The following PCDH15 variants were observed in gnomAD, a reference collection of about 807,000 sequenced individuals.
The protein encoded by PCDH15 is protocadherin related 15.
PCDH15 carries 129 observed loss-of-function variants against 178.5 expected under a neutral mutation model. The ratio of observed to expected loss-of-function variants is 0.72; its 90% CI spans 0.63 to 0.84. The LOEUF is 0.84. PCDH15 is among the 40% of genes least tolerant of loss of function. The pLI is 0.00. For synonymous variants in PCDH15, 800 were observed against 732.0 expected (o/e 1.09, Z -1.50); for missense variants, 2,230 against 2,099.9 (o/e 1.06, Z -1.21).
At chr10:54,166,047 A>T (rs1179012437) in intron 13 of PCDH15, among the ~76,000 whole-genome samples, 1 of 152,226 alleles carries the variant, frequency 6.6e-6, no homozygotes, top group Non-Finnish European at 1.5e-5. Context: ...TTAGTAAAAG[A>T]AAAGCAAATC....
chr10:54,493,217 T>C (rs1448783963), intron 3 of PCDH15, among the ~76,000 whole-genome samples: 1 of 151,952 alleles, frequency 6.6e-6, no homozygotes, highest in Admixed American at 6.6e-5. Flanking sequence ...TAAATAGGGT[T>C]CAGTATTATC....
chr10:54,422,229 C>A (rs1328061505), intron 3 of PCDH15, among the ~76,000 whole-genome samples: 1 of 151,550 alleles, frequency 6.6e-6, no homozygotes, highest in Admixed American at 6.6e-5. Flanking sequence ...ATTCTAAAAC[C>A]AAATTATCTG....
chr10:54,788,743 G>A (rs185645985), intron 1 of PCDH15, among the ~76,000 whole-genome samples: 2 of 151,890 alleles, frequency 1.3e-5, no homozygotes, highest in Admixed American at 1.3e-4. Flanking sequence ...AGCAAGTAAT[G>A]CAGATGGGTC....
chr10:54,652,524 A>G (rs927872742), intron 2 of PCDH15, among the ~76,000 whole-genome samples: 1 of 152,188 alleles, frequency 6.6e-6, no homozygotes, highest in Non-Finnish European at 1.5e-5. Context: ...CCCAAAATTC[A>G]TATATTCAAC....
At chr10:54,739,562 GA>G (rs59307786) in intron 1 of PCDH15, among the ~76,000 whole-genome samples, 18,035 of 114,424 alleles carry the variant, frequency 0.16, 1,190 homozygotes, top group African/African-American at 0.21. Flanking sequence ...TCACAAAATC[GA>G]AAAAAAAAAA....
At chr10:54,945,351 T>TGATA (rs1554817132) in intron 2 of PCDH15, among the ~76,000 whole-genome samples, 1 of 138,014 alleles carries the variant, frequency 7.2e-6, no homozygotes, top group Non-Finnish European at 1.6e-5. Flanking sequence ...GATAGATAGA[T>TGATA]GATAGATAGA....
intron 17 of PCDH15, among the ~76,000 whole-genome samples, chr10:54,073,995 A>G (rs542631785): frequency 2.0e-5 from 3 of 152,338 alleles, no homozygotes; most frequent in African/African-American, 7.2e-5. Flanking sequence ...CTTTGTTAAA[A>G]TAAAGCAGGG....
At chr10:54,707,399 A>G (rs2095376343) in intron 1 of PCDH15, among the ~76,000 whole-genome samples, 2 of 152,220 alleles carry the variant, frequency 1.3e-5, no homozygotes, top group Non-Finnish European at 2.9e-5. Flanking sequence ...TATATTTTCC[A>G]TTGGAAGTAA....
chr10:55,334,238 ATATATGTGTGTGTGTGTG>A (rs1375671801), intron 2 of PCDH15, among the ~76,000 whole-genome samples: 4 of 97,310 alleles, frequency 4.1e-5, no homozygotes, highest in Non-Finnish European at 7.5e-5. Context: ...ATATATATAT[ATATATGTGTGTGTGTGTG>A]TGTGTGTGTG....
At chr10:54,276,951 G>A (rs1355261542) in intron 8 of PCDH15, among the ~76,000 whole-genome samples, 13 of 151,582 alleles carry the variant, frequency 8.6e-5, no homozygotes, top group African/African-American at 4.8e-5. Flanking sequence ...ATGGGGTTGC[G>A]CAGAGAGGGT....
At chr10:55,580,972 G>A (rs1443023429) in intron 2 of PCDH15, among the ~76,000 whole-genome samples, 5 of 152,094 alleles carry the variant, frequency 3.3e-5, no homozygotes, top group African/African-American at 9.7e-5. Flanking sequence ...TTTCCTCTAT[G>A]TGAAAACCAC....
intron 2 of PCDH15, among the ~76,000 whole-genome samples, chr10:55,430,154 G>A (rs1056609397): frequency 6.6e-6 from 1 of 152,094 alleles, no homozygotes; most frequent in Non-Finnish European, 1.5e-5. Context: ...AGCCAGGCAT[G>A]GTGGCACGTA....
intron 2 of PCDH15, among the ~76,000 whole-genome samples, chr10:55,471,066 A>T (rs192903416): frequency 7.3e-4 from 111 of 152,252 alleles, no homozygotes; most frequent in African/African-American, 2.5e-3. Flanking sequence ...TTCACCTACT[A>T]AACGATATAT....
chr10:54,461,431 A>G (rs2077159842), intron 3 of PCDH15, among the ~76,000 whole-genome samples: 1 of 152,100 alleles, frequency 6.6e-6, no homozygotes, highest in Non-Finnish European at 1.5e-5. Flanking sequence ...TATCACATCC[A>G]TGTCCATGCT....
intron 18 of PCDH15, among the ~76,000 whole-genome samples, chr10:54,051,050 G>C (rs1435327683): frequency 6.6e-6 from 1 of 152,124 alleles, no homozygotes; most frequent in South Asian, 2.1e-4. Flanking sequence ...CACCATGATC[G>C]TAAGTTTCCT....
intron 1 of PCDH15, among the ~76,000 whole-genome samples, chr10:55,170,922 G>C (rs528404339): frequency 9.9e-5 from 15 of 152,146 alleles, no homozygotes; most frequent in African/African-American, 3.6e-4. Context: ...AAGCGTAATT[G>C]ATTTTTCTCT....
At chr10:55,056,337 C>T (rs1841302419) in intron 2 of PCDH15, among the ~76,000 whole-genome samples, 1 of 152,066 alleles carries the variant, frequency 6.6e-6, no homozygotes, top group Non-Finnish European at 1.5e-5. Flanking sequence ...TTATTATACT[C>T]CATCATGATC....
intron 2 of PCDH15, among the ~76,000 whole-genome samples, chr10:55,624,889 G>T (rs141048695): frequency 2.1e-3 from 317 of 152,146 alleles, no homozygotes; most frequent in African/African-American, 7.5e-3. Flanking sequence ...TTTATTAATG[G>T]AAATGAAGAA....
Position 54,878,933 on chromosome 10 carries a change from T to C in PCDH15, c.-29+18517A>G, listed in dbSNP as rs75256028. Among the ~76,000 whole-genome samples the C allele has an allele frequency of 2.8e-3, 432 of 152,314 alleles. 10 individuals are homozygous for C. The East Asian group carries it at 0.052, about 18-fold the overall frequency. On this transcript the variant is annotated intron_variant, in intron 3 of 5. Coordinates refer to the PCDH15 transcript ENST00000458638. Reference sequence around the variant, plus strand: ...GAGATCATGCAGTGTTTGGTTGAAATTATTTATTTATAATGCTTCGCCGAA... The same window carrying C: ...GAGATCATGCAGTGTTTGGTTGAAACTATTTATTTATAATGCTTCGCCGAA...
Sources: gnomAD v4.1 joint callset for allele counts (sites outside exome capture counted in the v4.1 genomes callset) on GRCh38, gnomAD v4.1.1 for gene constraint, MANE v1.5 for transcripts, NCBI Gene and HGNC (gene_info 2026-07-23, HGNC 2026-07-21) for gene names.